The following CACNG2 variants were observed in gnomAD, a reference collection of about 807,000 sequenced individuals.
The protein encoded by CACNG2 is voltage-dependent calcium channel gamma-2 subunit.
Under a neutral mutation model 25.9 loss-of-function variants are expected in CACNG2, and 3 were observed. That is an observed-to-expected ratio of 0.12 (90% CI 0.05 to 0.30). The LOEUF (loss-of-function observed/expected upper bound fraction) is 0.30, where lower values mean the gene tolerates loss of function less well. CACNG2 is among the 10% of genes least tolerant of loss of function. The pLI is 1.00. For missense variants in CACNG2, 341 were observed against 432.5 expected, an observed-to-expected ratio of 0.79 and a Z score of 1.88; for synonymous variants, 167 against 173.3, an observed-to-expected ratio of 0.96 and a Z score of 0.29.
chr22:36,562,894 C>T lies in CACNG2; in HGVS notation c.*1457G>A, dbSNP rs1397332260. On this transcript the variant is annotated 3_prime_UTR_variant, in exon 4 of 4. Transcript: ENST00000300105. The stretch of plus-strand genomic sequence containing the variant: ...CTCCAACCTTCAAGCCCAGCTCTCA[C>T]CTCTCACAACGGTTTTGCTTTGTTT... The T allele has an allele frequency of 6.6e-6, 1 of 152,172 alleles. No homozygotes were observed. Among genetic ancestry groups the T allele is most frequent in the Non-Finnish European group, 1.5e-5 (1 of 68,010 alleles). The allele number at this position is 152,172 out of a possible 1,614,324, so 9.4% of individuals were successfully genotyped here.
At chr22:36,636,016 C>T (rs563577417) in intron 1 of CACNG2, among the ~76,000 whole-genome samples, 1 of 152,314 alleles carries the variant, frequency 6.6e-6, no homozygotes, top group South Asian at 2.1e-4. Context: ...TGGGCTTTTT[C>T]TGCATACCTC....
chr22:36,606,761 T>C lies in CACNG2; in HGVS notation c.212-19213A>G, dbSNP rs951723923. On this transcript the variant is annotated intron_variant, in intron 1 of 3. Coordinates refer to ENST00000300105, the MANE Select transcript of CACNG2 (RefSeq NM_006078.5). The surrounding 1 kb of genome is among the most constrained non-coding windows in gnomAD (Gnocchi z 5.7). The stretch of plus-strand genomic sequence containing the variant: ...AAACCAGACGGTTGGGCTGTGCGTG[T>C]GTGTGTGTGTGTGTGTGTATGTGTT... Among the ~76,000 whole-genome samples, 150 of 133,658 alleles carry C rather than the reference T, an allele frequency of 1.1e-3. No individual in the cohort carries two copies. In the Middle Eastern group the frequency reaches 0.011, roughly 10 times the overall value. The allele number at this position is 133,658 out of a possible 152,430, so 87.7% of individuals were successfully genotyped here. A position where few individuals can be genotyped will look rare whatever the true frequency, so the allele number is the denominator to read the frequency against.
At chr22:36,686,968 C>T (rs766287833) in intron 1 of CACNG2, among the ~76,000 whole-genome samples, 10 of 152,200 alleles carry the variant, frequency 6.6e-5, no homozygotes, top group Non-Finnish European at 1.5e-4. Context: ...TGTGTGGTCA[C>T]GTAGCAAACT....
intron 1 of CACNG2, among the ~76,000 whole-genome samples, chr22:36,627,723 A>C (rs1202614608): frequency 1.3e-5 from 2 of 151,704 alleles, no homozygotes; most frequent in African/African-American, 4.9e-5. Flanking sequence ...CCTGGGCTTA[A>C]GCCATCCTCC....
intron 1 of CACNG2, among the ~76,000 whole-genome samples, chr22:36,617,120 C>G (rs2267348): frequency 0.81 from 123,650 of 152,180 alleles, 50,595 homozygotes; most frequent in African/African-American, 0.92. Context: ...AGACCTTGAA[C>G]ATGACTAGGA....
In CACNG2 at chr22:36,564,271, A is replaced by AGGGTCTGGGTCTCCC; in HGVS notation, c.*65_*79dup. 7.8e-7 allele frequency: 1 copy of AGGGTCTGGGTCTCCC among 1,277,672 alleles called. No individual in the cohort carries two copies. The highest frequency in any genetic ancestry group is 1.5e-5 in the South Asian group (1 of 65,376). 79.1% of individuals were successfully genotyped at this position (1,277,672 alleles called of 1,614,324 possible). A position where few individuals can be genotyped will look rare whatever the true frequency, so the allele number is the denominator to read the frequency against. On this transcript the variant is annotated 3_prime_UTR_variant, in exon 4 of 4. Transcript: ENST00000300105. This position sits in a 1 kb window ranked among gnomAD's most constrained non-coding sequence, Gnocchi z 6.7. ...TTGCTTTTGGAAGGTCTCCCAGCGG[A>AGGGTCTGGGTCTCCC]GGGTCTGGGTCTCCCCGCCCCGCCC...
chr22:36,587,422 G>A (rs903616073), intron 2 of CACNG2, 43 bp downstream of exon 2: 16 of 1,376,986 alleles, frequency 1.2e-5, no homozygotes, highest in Admixed American at 1.7e-5. Context: ...GAAGGGCAGG[G>A]CCCACCACCA....
At chr22:36,621,862 G>C (rs1936110902) in intron 1 of CACNG2, among the ~76,000 whole-genome samples, 1 of 152,180 alleles carries the variant, frequency 6.6e-6, no homozygotes. Context: ...AAAGACAACA[G>C]GATCTTCAGC....
At chr22:36,607,635 T>C (rs757121902) in intron 1 of CACNG2, among the ~76,000 whole-genome samples, 1 of 151,856 alleles carries the variant, frequency 6.6e-6, no homozygotes, top group South Asian at 2.1e-4. Flanking sequence ...CATTAACCCA[T>C]GAGAGCGGAA....
chr22:36,629,859 C>T (rs574915987), intron 1 of CACNG2, among the ~76,000 whole-genome samples: 2 of 152,226 alleles, frequency 1.3e-5, no homozygotes, highest in African/African-American at 4.8e-5. Flanking sequence ...AATGAATCCA[C>T]AAAGAAGAGG....
intron 1 of CACNG2, among the ~76,000 whole-genome samples, chr22:36,669,966 G>A (rs1207058386): frequency 1.6e-4 from 25 of 152,130 alleles, no homozygotes; most frequent in Admixed American, 1.6e-3. Flanking sequence ...CACCCGCCTT[G>A]GCCTCCTAAA....
chr22:36,576,856 A>C (rs1385965714), intron 2 of CACNG2, among the ~76,000 whole-genome samples: 3 of 152,104 alleles, frequency 2.0e-5, no homozygotes, highest in Non-Finnish European at 4.4e-5. Flanking sequence ...ATAATGTTTC[A>C]AGTGTCAGGC....
At chr22:36,610,422 C>G (rs148992253) in intron 1 of CACNG2, among the ~76,000 whole-genome samples, 5 of 152,318 alleles carry the variant, frequency 3.3e-5, no homozygotes, top group Non-Finnish European at 5.9e-5. Flanking sequence ...TCCCCCAGAC[C>G]GTGATGGTCC....
intron 1 of CACNG2, among the ~76,000 whole-genome samples, chr22:36,599,434 T>G (rs1935722336): frequency 6.6e-6 from 1 of 152,194 alleles, no homozygotes; most frequent in Admixed American, 6.5e-5. Flanking sequence ...GCGTGGTGGC[T>G]CACACCTGTA....
intron 1 of CACNG2, among the ~76,000 whole-genome samples, chr22:36,629,460 T>TA (rs940775332): frequency 6.6e-6 from 1 of 151,714 alleles, no homozygotes; most frequent in African/African-American, 2.4e-5. Flanking sequence ...TGCTGGGTGT[T>TA]ATTGTGGGAG....
At chr22:36,622,310 A>G (rs1936118093) in intron 1 of CACNG2, among the ~76,000 whole-genome samples, 1 of 152,240 alleles carries the variant, frequency 6.6e-6, no homozygotes, top group Non-Finnish European at 1.5e-5. Flanking sequence ...GTGGAAATGC[A>G]GACTGCAGGG....
chr22:36,688,795 G>C (rs139195565), intron 1 of CACNG2, among the ~76,000 whole-genome samples: 1 of 152,124 alleles, frequency 6.6e-6, no homozygotes, highest in African/African-American at 2.4e-5. Context: ...GCAGACCTGT[G>C]GCATCAGCCT....
chr22:36,675,084 C>G (rs1270973865), intron 1 of CACNG2, among the ~76,000 whole-genome samples: 1 of 152,070 alleles, frequency 6.6e-6, no homozygotes, highest in African/African-American at 2.4e-5. Flanking sequence ...GTTGCCCAGG[C>G]CGAATGCAGT....
intron 1 of CACNG2, among the ~76,000 whole-genome samples, chr22:36,619,842 T>C (rs765826659): frequency 5.9e-5 from 9 of 152,236 alleles, no homozygotes; most frequent in Non-Finnish European, 8.8e-5. Flanking sequence ...TGAGGGTCGA[T>C]TGTTGTCACT....
Sources: gnomAD v4.1 joint callset for allele counts (sites outside exome capture counted in the v4.1 genomes callset) on GRCh38, gnomAD v4.1.1 for gene constraint, Gnocchi (gnomAD v3.1) non-coding constraint, MANE v1.5 for transcripts, NCBI Gene and HGNC (gene_info 2026-07-23, HGNC 2026-07-21) for gene names.